The following LARGE1 variants were observed in gnomAD, a reference collection of about 807,000 sequenced individuals.
LARGE1 encodes the protein LARGE xylosyl- and glucuronyltransferase 1, also known as xylosyl- and glucuronyltransferase LARGE1.
LARGE1 carries 43 observed loss-of-function variants against 87.6 expected under a neutral mutation model. The ratio of observed to expected loss-of-function variants is 0.49; its 90% confidence interval spans 0.38 to 0.63. The LOEUF (loss-of-function observed/expected upper bound fraction) is 0.63. Ranked by LOEUF, LARGE1 falls within the 30% of genes least tolerant of loss-of-function variation. The pLI, the probability that LARGE1 is intolerant of heterozygous loss-of-function variation, is 0.00. For synonymous variants in LARGE1, 434 were observed against 394.6 expected, an observed-to-expected ratio of 1.10 and a Z score of -1.18; for missense variants, 802 against 1,000.2, an observed-to-expected ratio of 0.80 and a Z score of 2.67.
chr22:33,445,234 T>C (rs1341460436), intron 6 of LARGE1, among the ~76,000 whole-genome samples: 2 of 152,146 alleles, frequency 1.3e-5, no homozygotes, highest in African/African-American at 4.8e-5. Context: ...CAAAATATGG[T>C]CACATTGTGA....
the LARGE1 span, among the ~76,000 whole-genome samples, chr22:33,116,585 G>T: frequency 6.6e-6 from 1 of 151,220 alleles, no homozygotes; most frequent in East Asian, 2.0e-4. Context: ...GGATGGTCTC[G>T]ATCTCCTGAC....
At chr22:33,922,510 G>A (rs369558415), upstream of LARGE1, 7 of 152,106 alleles carry the variant, frequency 4.6e-5, no homozygotes, top group African/African-American at 1.7e-4. Context: ...CCAGCAGAAT[G>A]CGAAAGGGAG....
chr22:33,556,430 A>G (rs2077678311), intron 6 of LARGE1, among the ~76,000 whole-genome samples: 1 of 151,546 alleles, frequency 6.6e-6, no homozygotes, highest in African/African-American at 2.4e-5. Flanking sequence ...CCCAGGGCCT[A>G]GGGCAGGCCA....
At chr22:33,221,389 G>A (rs1365867770) in intron 11 of LARGE1, among the ~76,000 whole-genome samples, 1 of 152,072 alleles carries the variant, frequency 6.6e-6, no homozygotes, top group Non-Finnish European at 1.5e-5. Flanking sequence ...AGTAAAGGTT[G>A]GGACATAGTT....
At chr22:33,365,544 A>C (rs2064553268) in intron 9 of LARGE1, among the ~76,000 whole-genome samples, 1 of 152,128 alleles carries the variant, frequency 6.6e-6, no homozygotes, top group African/African-American at 2.4e-5. Flanking sequence ...TTCAATATTA[A>C]GAGTTGCTTA....
intron 6 of LARGE1, among the ~76,000 whole-genome samples, chr22:33,512,917 C>G (rs952715903): frequency 6.6e-6 from 1 of 152,196 alleles, no homozygotes; most frequent in Admixed American, 6.5e-5. Flanking sequence ...TCACAATGTA[C>G]TCTATAATAA....
chr22:33,631,181 G>C (rs1397395476), intron 3 of LARGE1, among the ~76,000 whole-genome samples: 2 of 151,792 alleles, frequency 1.3e-5, no homozygotes, highest in Non-Finnish European at 2.9e-5. Context: ...TTAAGAGATG[G>C]GGTCTTGCTA....
intron 7 of LARGE1, among the ~76,000 whole-genome samples, chr22:33,417,567 C>A (rs2066543085): frequency 6.6e-6 from 1 of 152,322 alleles, no homozygotes; most frequent in Admixed American, 6.5e-5. Flanking sequence ...ATACTTTGGC[C>A]ACTTAAAATC....
chr22:33,089,140 T>C, the LARGE1 span, among the ~76,000 whole-genome samples: 19 of 152,186 alleles, frequency 1.2e-4, no homozygotes, highest in African/African-American at 4.3e-4. Context: ...CAATAAGTCT[T>C]TCATTTTCTT....
chr22:33,174,996 T>C (rs1356161001), intron 11 of LARGE1, among the ~76,000 whole-genome samples: 1 of 152,062 alleles, frequency 6.6e-6, no homozygotes, highest in Non-Finnish European at 1.5e-5. Context: ...GCCAACATCA[T>C]CCTGATACCA....
chr22:33,885,098 T>C lies in LARGE1; in HGVS notation c.-83+34897A>G, dbSNP rs1192131146. On this transcript the variant is annotated intron_variant, in intron 1 of 14. Coordinates refer to ENST00000397394, the MANE Select transcript of LARGE1 (RefSeq NM_133642.5). ...ACCATTATCATCCTCGTTTTGCCCA[T>C]GCAGAAACTAAGGCTCATCGGCTAA... 2.0e-5 allele frequency among the ~76,000 whole-genome samples: 3 copies of C among 152,268 alleles called. No homozygotes were observed. The East Asian group carries it at 5.8e-4, about 29-fold the overall frequency.
intron 1 of LARGE1, among the ~76,000 whole-genome samples, chr22:33,900,277 G>A (rs12170438): frequency 0.051 from 7,785 of 152,218 alleles, 624 homozygotes; most frequent in African/African-American, 0.18. Context: ...CCCGGGTGGT[G>A]CTCCCCCTTG....
intron 13 of LARGE1, among the ~76,000 whole-genome samples, chr22:33,281,145 A>T (rs1930365217): frequency 6.6e-6 from 1 of 152,160 alleles, no homozygotes; most frequent in Admixed American, 6.5e-5. Flanking sequence ...GATGGCTGGC[A>T]AGCTGCTGGC....
intron 1 of LARGE1, among the ~76,000 whole-genome samples, chr22:33,804,611 A>G (rs1045249712): frequency 1.3e-5 from 2 of 152,230 alleles, no homozygotes; most frequent in Admixed American, 1.3e-4. Context: ...AGCCAGCTGC[A>G]TATCTGTGTG....
chr22:33,873,915 TCTC>T (rs2064383696), intron 1 of LARGE1, among the ~76,000 whole-genome samples: 1 of 150,770 alleles, frequency 6.6e-6, no homozygotes. Flanking sequence ...CTGCATCCCT[TCTC>T]CTCTCACCTC....
At chr22:33,309,756 C>T (rs544690907) in intron 11 of LARGE1, among the ~76,000 whole-genome samples, 52 of 152,196 alleles carry the variant, frequency 3.4e-4, no homozygotes, top group African/African-American at 1.2e-3. Flanking sequence ...CTTGGGGTAA[C>T]AATGGGCTCA....
chr22:33,642,710 C>CAAAAAAAAAAAAAAAAAAAAAAAAAAAG (rs60815644), intron 3 of LARGE1, among the ~76,000 whole-genome samples: 1 of 17,346 alleles, frequency 5.8e-5, no homozygotes, highest in Non-Finnish European at 9.3e-5. Context: ...AAATGGAAAG[C>CAAAAAAAAAAAAAAAAAAAAAAAAAAAG]AAAAAAAAAA....
the LARGE1 span, among the ~76,000 whole-genome samples, chr22:33,069,426 G>A: frequency 2.0e-5 from 3 of 152,100 alleles, no homozygotes; most frequent in Non-Finnish European, 2.9e-5. Flanking sequence ...GTTGGCCATC[G>A]TTGGAGATAA....
rs1285937699 is a variant in LARGE1, at chr22:33,882,021, GTTTTTTTGTTTTTGTT to G, written c.-83+37958_-83+37973del. Among the ~76,000 whole-genome samples the G allele has an allele frequency of 4.0e-4, 60 of 149,070 alleles. No individual in the cohort carries two copies. In the East Asian group the frequency reaches 5.5e-3, roughly 14 times the overall value. ...AAATGCTATCAATTATCTTTGCGGG[GTTTTTTTGTTTTTGTT>G]TTTTTTTGTTTTTTTTTTTTTTTGA... On this transcript the variant is annotated intron_variant, in intron 1 of 14. Coordinates refer to ENST00000397394, the MANE Select transcript of LARGE1 (RefSeq NM_133642.5).
Sources: gnomAD v4.1 joint callset for allele counts (sites outside exome capture counted in the v4.1 genomes callset) on GRCh38, gnomAD v4.1.1 for gene constraint, MANE v1.5 for transcripts, NCBI Gene and HGNC (gene_info 2026-07-23, HGNC 2026-07-21) for gene names.